Variants in SHC3 observed in about 807,000 individuals in gnomAD.
SHC3 encodes the protein SHC-transforming protein 3.
Under a neutral mutation model 60.4 loss-of-function variants are expected in SHC3, and 15 were observed. That is an observed-to-expected ratio of 0.25 (90% CI 0.17 to 0.38). The LOEUF (loss-of-function observed/expected upper bound fraction) is 0.38, where lower values mean the gene tolerates loss of function less well. Among genes scored for constraint, SHC3 ranks in the 10% least tolerant of loss-of-function variants. The pLI is 1.00. For missense variants in SHC3, 677 were observed against 786.1 expected, an observed-to-expected ratio of 0.86 and a Z score of 1.66; for synonymous variants, 294 against 325.9, an observed-to-expected ratio of 0.90 and a Z score of 1.05.
At chr9:89,108,957 C>T (rs1825905633) in intron 2 of SHC3, 1 of 646,586 alleles carries the variant, frequency 1.5e-6, no homozygotes, top group Non-Finnish European at 1.9e-6. Flanking sequence ...TCTGGGAATA[C>T]ACATCATTTA....
chr9:89,042,006 A>G lies in SHC3; in HGVS notation c.1360+20T>C, dbSNP rs755896106. The stretch of plus-strand genomic sequence containing the variant: ...AGCAACCTCAAAAGAAAAGAAAACC[A>G]GAGACAAACAGAAACCCACTCATGT... On this transcript the variant is annotated intron_variant, in intron 10 of 11. Coordinates refer to ENST00000375835, the MANE Select transcript of SHC3 (RefSeq NM_016848.6). The G allele has an allele frequency of 5.0e-6, 8 of 1,613,482 alleles. No individual in the cohort carries two copies. The Admixed American group carries it at 6.7e-5, about 13-fold the overall frequency.
At chr9:89,131,983 A>T (rs954460037) in intron 1 of SHC3, among the ~76,000 whole-genome samples, 2 of 152,214 alleles carry the variant, frequency 1.3e-5, no homozygotes, top group Non-Finnish European at 2.9e-5. Context: ...CCGTTTGCAG[A>T]TGACGTGATT....
chr9:89,118,769 C>T (rs1826051392), intron 1 of SHC3, among the ~76,000 whole-genome samples: 3 of 152,010 alleles, frequency 2.0e-5, no homozygotes, highest in South Asian at 2.1e-4. Flanking sequence ...CTTATATGCA[C>T]CCAAACTAGC....
intron 1 of SHC3, among the ~76,000 whole-genome samples, chr9:89,122,139 A>T (rs4876969): frequency 0.059 from 8,935 of 152,304 alleles, 351 homozygotes; most frequent in Admixed American, 0.11. Flanking sequence ...TGTTTTGGAC[A>T]CCTGGGAATC....
chr9:89,079,028 C>T (rs982016733), intron 2 of SHC3, among the ~76,000 whole-genome samples: 1 of 152,176 alleles, frequency 6.6e-6, no homozygotes, highest in South Asian at 2.1e-4. Context: ...ACTATCAGGA[C>T]AAGCTTCCCA....
intron 1 of SHC3, among the ~76,000 whole-genome samples, chr9:89,131,447 C>T (rs1357709492): frequency 6.6e-6 from 1 of 152,084 alleles, no homozygotes; most frequent in African/African-American, 2.4e-5. Flanking sequence ...CTGGCAGAGA[C>T]ACAACAAAGA....
intron 7 of SHC3, among the ~76,000 whole-genome samples, chr9:89,049,219 C>G (rs1404531486): frequency 6.6e-6 from 1 of 152,162 alleles, no homozygotes; most frequent in Non-Finnish European, 1.5e-5. Flanking sequence ...CAAGATCGCG[C>G]CACTGCACTC....
At chr9:89,028,596 T>C (rs1008481166) in intron 11 of SHC3, among the ~76,000 whole-genome samples, 25 of 141,980 alleles carry the variant, frequency 1.8e-4, no homozygotes, top group African/African-American at 6.7e-4. Context: ...CACATGTTTA[T>C]GTGTATATAT....
intron 2 of SHC3, among the ~76,000 whole-genome samples, chr9:89,090,548 G>A (rs1432560842): frequency 1.3e-5 from 2 of 152,206 alleles, no homozygotes; most frequent in African/African-American, 2.4e-5. Context: ...GGTATGGGAG[G>A]CTTCCCCCAG....
intron 11 of SHC3, among the ~76,000 whole-genome samples, chr9:89,026,303 C>T (rs1826301076): frequency 6.6e-6 from 1 of 151,008 alleles, no homozygotes; most frequent in African/African-American, 2.4e-5. Context: ...CATCTACAGT[C>T]TTTTCTCTCT....
Position 89,130,421 on chromosome 9 carries a change from G to C in SHC3, c.475-17795C>G, listed in dbSNP as rs186838773. 4.2e-4 allele frequency among the ~76,000 whole-genome samples: 64 copies of C among 152,288 alleles called. 2 individuals carry two copies. In the East Asian group the frequency reaches 0.012, roughly 28 times the overall value. ...AGCTCTGCACCAAGTGGATGTAATA[G>C]ACATCTACAGGACTCTCCACCCCAA... On this transcript the variant is annotated intron_variant, in intron 1 of 11. Transcript: ENST00000375835.
chr9:89,041,463 G>A (rs1824685568), intron 10 of SHC3, among the ~76,000 whole-genome samples: 2 of 152,126 alleles, frequency 1.3e-5, no homozygotes, highest in African/African-American at 4.8e-5. Flanking sequence ...TTTGACAAAT[G>A]GTAAGTGTTC....
At chr9:89,131,204 C>A (rs1826239664) in intron 1 of SHC3, among the ~76,000 whole-genome samples, 1 of 152,090 alleles carries the variant, frequency 6.6e-6, no homozygotes, top group Admixed American at 6.6e-5. Context: ...CAAGACTAAA[C>A]AAGGAAGAAG....
At chr9:89,022,139 C>A (rs79586984) in intron 11 of SHC3, among the ~76,000 whole-genome samples, 1,641 of 152,236 alleles carry the variant, frequency 0.011, 37 homozygotes, top group African/African-American at 0.037. Flanking sequence ...CACCCCACAT[C>A]CCAACAGGGC....
rs1826968671 is a variant in SHC3, at chr9:89,178,038, C to CG, written c.422dup (p.Pro142AlafsTer23). The CG allele has an allele frequency of 8.1e-7, 1 of 1,230,730 alleles. No individual in the cohort carries two copies. The highest frequency in any genetic ancestry group is 4.1e-5 in the Admixed American group (1 of 24,230). 76.2% of individuals were successfully genotyped at this position (1,230,730 alleles called of 1,614,324 possible). A position where few individuals can be genotyped will look rare whatever the true frequency, so the allele number is the denominator to read the frequency against. On this transcript the variant is annotated frameshift_variant, in exon 1 of 12. Coordinates refer to ENST00000375835, the MANE Select transcript of SHC3 (RefSeq NM_016848.6). LOFTEE classifies it high-confidence loss of function. The surrounding 1 kb of genome is among the most constrained non-coding windows in gnomAD (Gnocchi z 6.9). The stretch of plus-strand genomic sequence containing the variant: ...CCAGCACCTGGTCGCTGGCGTGCGG[C>CG]GCCCCCCGAGGGGGCCTGGGCAGCG...
chr9:89,025,753 G>A (rs989631087), intron 11 of SHC3, among the ~76,000 whole-genome samples: 1 of 152,164 alleles, frequency 6.6e-6, no homozygotes, highest in Non-Finnish European at 1.5e-5. Flanking sequence ...CAGATAGCAG[G>A]CCCTGAAAGA....
intron 1 of SHC3, among the ~76,000 whole-genome samples, chr9:89,117,313 C>T (rs1431482051): frequency 6.6e-6 from 1 of 152,180 alleles, no homozygotes. Flanking sequence ...CCCAGTACTG[C>T]AGTGTCAATT....
At chr9:89,065,495 A>T in intron 6 of SHC3, 34 bp downstream of exon 6, 1 of 1,612,576 alleles carries the variant, frequency 6.2e-7, no homozygotes, top group Admixed American at 1.7e-5. Context: ...GGCTGTACAC[A>T]AACAAGAGAT....
At chr9:89,097,775 C>T (rs1181231527) in intron 2 of SHC3, among the ~76,000 whole-genome samples, 4 of 152,296 alleles carry the variant, frequency 2.6e-5, no homozygotes, top group South Asian at 2.1e-4. Flanking sequence ...GAATCTCAAA[C>T]CCAAGTTTGC....
Sources: allele counts gnomAD v4.1 joint callset (sites outside exome capture counted in the v4.1 genomes callset), GRCh38; gene constraint gnomAD v4.1.1; non-coding constraint Gnocchi (gnomAD v3.1); transcripts MANE v1.5; gene names NCBI Gene and HGNC (gene_info 2026-07-23, HGNC 2026-07-21).